Variants in EXT1 observed in about 807,000 individuals in gnomAD.
EXT1 encodes exostosin glycosyltransferase 1.
EXT1 carries 20 observed loss-of-function variants against 82.5 expected under a neutral mutation model. That is an observed-to-expected ratio of 0.24 (90% confidence interval 0.17 to 0.35). The LOEUF (loss-of-function observed/expected upper bound fraction) is 0.35, where lower values mean the gene tolerates loss of function less well. Ranked by LOEUF, EXT1 falls within the 10% of genes least tolerant of loss-of-function variation. The probability of loss-of-function intolerance (pLI) is 1.00; values close to 1 mark genes in which losing one functional copy is unlikely to be tolerated. For missense variants in EXT1, 757 were observed against 936.5 expected (o/e 0.81, Z 2.50); for synonymous variants, 348 against 350.8 (o/e 0.99, Z 0.09).
rs756010713 is a variant in EXT1, at chr8:117,818,519, T to C, written c.1548A>G (p.Leu516=). The C allele has an allele frequency of 5.6e-6, 9 of 1,613,756 alleles. No homozygotes were observed. In the East Asian group the frequency reaches 8.9e-5, roughly 16 times the overall value. Residue 516 remains leucine (L), a synonymous_variant, in exon 7 of 11, where the codon CTA becomes CTG. Transcript: ENST00000378204. ...KSQYCAQIIV[L]WNCDKPLPAK... ...CTGGTAGGGGCTTGTCACAATTCCA[T>C]AGAACTATGATCTGAAAGGGATGGG...
At chr8:117,924,998 C>T (rs1813926085) in intron 1 of EXT1, among the ~76,000 whole-genome samples, 1 of 152,076 alleles carries the variant, frequency 6.6e-6, no homozygotes, top group African/African-American at 2.4e-5. Flanking sequence ...TCTAAAATGA[C>T]TTTTATTATA....
At chr8:118,057,706 G>A (rs1471743921) in intron 1 of EXT1, among the ~76,000 whole-genome samples, 1 of 151,770 alleles carries the variant, frequency 6.6e-6, no homozygotes, top group Non-Finnish European at 1.5e-5. Context: ...GGGCGTGGTG[G>A]CTCACGCCTG....
At chr8:117,841,689 G>A (rs1488456870) in intron 1 of EXT1, among the ~76,000 whole-genome samples, 1 of 152,072 alleles carries the variant, frequency 6.6e-6, no homozygotes, top group Non-Finnish European at 1.5e-5. Context: ...TTTCACAAAC[G>A]ACTACAAAGA....
rs1466686347 is a variant in EXT1 at position 118,024,909 on chromosome 8, AGAGT to A, written c.962+85172_962+85175del. 3.3e-5 allele frequency among the ~76,000 whole-genome samples: 5 copies of A among 152,382 alleles called. No homozygotes were observed. The South Asian group carries it at 1.0e-3, about 32-fold the overall frequency. On this transcript the variant is annotated intron_variant, in intron 1 of 10. Transcript: ENST00000378204. ...TAAATATTGATGTGTTTTAAACACT[AGAGT>A]GAAAGTTCAGAATTATGATTTCAAA...
intron 1 of EXT1, among the ~76,000 whole-genome samples, chr8:118,074,124 G>A (rs1312618370): frequency 6.6e-6 from 1 of 151,878 alleles, no homozygotes; most frequent in East Asian, 1.9e-4. Flanking sequence ...TGACAGAAAT[G>A]GAGAAATTAG....
intron 6 of EXT1, among the ~76,000 whole-genome samples, chr8:117,818,928 T>A (rs1179199407): frequency 2.0e-5 from 3 of 152,198 alleles, no homozygotes; most frequent in African/African-American, 7.2e-5. Context: ...ACTGAGCATC[T>A]GAACATCTGC....
At chr8:117,924,008 C>T (rs1813908717) in intron 1 of EXT1, among the ~76,000 whole-genome samples, 1 of 152,190 alleles carries the variant, frequency 6.6e-6, no homozygotes, top group South Asian at 2.1e-4. Flanking sequence ...TAGGTGTGTT[C>T]TGGCCTTAGC....
chr8:117,835,690 A>T, intron 2 of EXT1, 139 bp from the exon 3 acceptor site: 3 of 698,096 alleles, frequency 4.3e-6, no homozygotes, highest in Non-Finnish European at 7.7e-6. Context: ...CCAGAAGGAA[A>T]GGAAGCTTTT....
chr8:117,916,458 A>G (rs1813755999), intron 1 of EXT1, among the ~76,000 whole-genome samples: 1 of 152,214 alleles, frequency 6.6e-6, no homozygotes, highest in South Asian at 2.1e-4. Context: ...AGAGATTTAT[A>G]GTTCTCAGGA....
intron 1 of EXT1, among the ~76,000 whole-genome samples, chr8:118,033,192 G>C (rs1364695470): frequency 6.6e-6 from 1 of 152,164 alleles, no homozygotes; most frequent in Non-Finnish European, 1.5e-5. Flanking sequence ...CCTGCTTTCA[G>C]AAGGACTGTC....
chr8:118,055,255 C>T (rs191303065), intron 1 of EXT1, among the ~76,000 whole-genome samples: 212 of 152,298 alleles, frequency 1.4e-3, no homozygotes, highest in Non-Finnish European at 1.4e-3. Flanking sequence ...TACATTCTTT[C>T]TTCTCTGGCT....
Position 117,962,550 on chromosome 8 carries a change from G to C in EXT1, c.963-125349C>G, listed in dbSNP as rs562127089. ...AGCAGTCACTTGAGGTCAGGAGTTC[G>C]AGACCAGCCTGGCCAACATGGTGAA... On this transcript the variant is annotated intron_variant, in intron 1 of 10. Transcript: ENST00000378204. 5.9e-5 allele frequency among the ~76,000 whole-genome samples: 9 copies of C among 152,208 alleles called. No homozygotes were observed. In the South Asian group the frequency reaches 1.9e-3, roughly 32 times the overall value.
chr8:117,946,151 G>A (rs1190227171), intron 1 of EXT1, among the ~76,000 whole-genome samples: 4 of 152,106 alleles, frequency 2.6e-5, no homozygotes, highest in Non-Finnish European at 5.9e-5. Context: ...TGCCCGCCTC[G>A]GCATTCCAAA....
intron 1 of EXT1, among the ~76,000 whole-genome samples, chr8:118,094,381 A>G (rs988303278): frequency 5.9e-5 from 9 of 152,234 alleles, no homozygotes; most frequent in Non-Finnish European, 8.8e-5. Context: ...ATGACTGGCA[A>G]GCTAATGTAC....
chr8:118,027,183 A>G (rs1470603584), intron 1 of EXT1, among the ~76,000 whole-genome samples: 1 of 152,226 alleles, frequency 6.6e-6, no homozygotes, highest in Non-Finnish European at 1.5e-5. Flanking sequence ...GTGTTTTGAA[A>G]GAAACTCAAG....
At chr8:117,853,079 G>C (rs1563580101) in intron 1 of EXT1, among the ~76,000 whole-genome samples, 1 of 152,152 alleles carries the variant, frequency 6.6e-6, no homozygotes, top group African/African-American at 2.4e-5. Context: ...GCTGACAGTA[G>C]ATGCAAAAGT....
chr8:117,892,948 G>A (rs1586268380), intron 1 of EXT1, among the ~76,000 whole-genome samples: 2 of 152,318 alleles, frequency 1.3e-5, no homozygotes, highest in Admixed American at 6.5e-5. Flanking sequence ...TGGGGAGGGT[G>A]AAGAGACAGA....
At chr8:118,083,767 C>T (rs993156294) in intron 1 of EXT1, among the ~76,000 whole-genome samples, 5 of 152,126 alleles carry the variant, frequency 3.3e-5, no homozygotes, top group Non-Finnish European at 7.4e-5. Context: ...GTAGCTCATG[C>T]CTGTAATCCC....
rs1816734237 is a variant in EXT1 at position 118,052,517 on chromosome 8, A to G, written c.962+57568T>C. Among the ~76,000 whole-genome samples, 3 of 152,230 alleles carry G rather than the reference A, an allele frequency of 2.0e-5. No individual in the cohort carries two copies. The South Asian group carries it at 6.2e-4, about 32-fold the overall frequency. ...CTGAACTGCTGGAAGGATTTTACAT[A>G]CTTGTAAGACAACTGGGCTAATGTG... On this transcript the variant is annotated intron_variant, in intron 1 of 10. Transcript: ENST00000378204.
Sources: gnomAD v4.1 joint callset for allele counts (sites outside exome capture counted in the v4.1 genomes callset) on GRCh38, gnomAD v4.1.1 for gene constraint, MANE v1.5 for transcripts, NCBI Gene and HGNC (gene_info 2026-07-23, HGNC 2026-07-21) for gene names.